The following PDE10A variants were observed in gnomAD, a reference collection of about 807,000 sequenced individuals.
The protein encoded by PDE10A is phosphodiesterase 10A.
Under a neutral mutation model 97.7 loss-of-function variants are expected in PDE10A, and 39 were observed. The ratio of observed to expected loss-of-function variants is 0.40; its 90% CI spans 0.31 to 0.52. The LOEUF is 0.52. PDE10A is among the 20% of genes least tolerant of loss of function. The pLI is 0.56. For missense variants in PDE10A, 731 were observed against 1,047.8 expected (o/e 0.70, Z 4.17); for synonymous variants, 371 against 376.8 (o/e 0.98, Z 0.18).
chr6:165,807,859 C>G (rs1279122675), intron 1 of PDE10A, among the ~76,000 whole-genome samples: 2 of 152,270 alleles, frequency 1.3e-5, no homozygotes, highest in Admixed American at 1.3e-4. Flanking sequence ...CGCCTTGTGC[C>G]TGTTTCCATA....
chr6:165,712,121 G>T (rs1244803791), intron 1 of PDE10A, among the ~76,000 whole-genome samples: 1 of 152,192 alleles, frequency 6.6e-6, no homozygotes, highest in East Asian at 1.9e-4. Flanking sequence ...GAGGGTTCTG[G>T]GCTCCACCGT....
chr6:165,597,278 C>T (rs1484132185), intron 1 of PDE10A, among the ~76,000 whole-genome samples: 3 of 150,630 alleles, frequency 2.0e-5, no homozygotes, highest in African/African-American at 7.4e-5. Context: ...CCCACACATA[C>T]AGACCATGGA....
chr6:165,491,755 G>A (rs1583397955), intron 2 of PDE10A, among the ~76,000 whole-genome samples: 1 of 152,132 alleles, frequency 6.6e-6, no homozygotes, highest in East Asian at 1.9e-4. Context: ...TACATCAAAA[G>A]TCTGAAAGAG....
intron 2 of PDE10A, among the ~76,000 whole-genome samples, chr6:165,539,571 C>A (rs1397270111): frequency 1.3e-4 from 20 of 152,118 alleles, no homozygotes; most frequent in Admixed American, 1.3e-3. Context: ...AGCACCTGAA[C>A]AGAACTTGAC....
rs1562406358 is a variant in PDE10A, at chr6:165,384,646, GTGTGTGTGTGTGTGTGTGTGTGTA to G, written c.2610+3628_2610+3651del. 1.2e-3 allele frequency among the ~76,000 whole-genome samples: 159 copies of G among 129,562 alleles called. 4 individuals are homozygous for G. The highest frequency in any genetic ancestry group is 2.0e-3 in the Non-Finnish European group (123 of 61,968). The allele number at this position is 129,562 out of a possible 152,430, so 85.0% of individuals were successfully genotyped here. On this transcript the variant is annotated intron_variant, in intron 17 of 21. Coordinates refer to ENST00000539869, the MANE Select transcript of PDE10A (RefSeq NM_001385079.1). ...TGTGTGAGTGAGTGTGTGTGTGTGT[GTGTGTGTGTGTGTGTGTGTGTGTA>G]TGGGGGGGGGCGACTAAAGGTTAGC...
intron 1 of PDE10A, among the ~76,000 whole-genome samples, chr6:165,564,371 C>A (rs1784673037): frequency 6.6e-6 from 1 of 152,194 alleles, no homozygotes; most frequent in South Asian, 2.1e-4. Context: ...AGAGGGAGAA[C>A]AAGGACTGAT....
intron 1 of PDE10A, among the ~76,000 whole-genome samples, chr6:165,598,054 A>G (rs1391037460): frequency 6.6e-6 from 1 of 152,224 alleles, no homozygotes; most frequent in East Asian, 1.9e-4. Context: ...CCACGAGTCA[A>G]GCCAACAAAC....
intron 1 of PDE10A, among the ~76,000 whole-genome samples, chr6:165,565,731 A>T (rs1784745799): frequency 6.6e-6 from 1 of 152,228 alleles, no homozygotes; most frequent in Non-Finnish European, 1.5e-5. Context: ...GAAATAATGG[A>T]TACGTGGATC....
chr6:165,422,474 T>C (rs781200266), intron 10 of PDE10A, among the ~76,000 whole-genome samples: 3 of 127,128 alleles, frequency 2.4e-5, no homozygotes, highest in African/African-American at 6.2e-5. Context: ...CATACACACA[T>C]ACGCATACAC....
chr6:165,690,512 G>A lies in PDE10A; in HGVS notation c.-614-146944C>T, dbSNP rs920597481. Among the ~76,000 whole-genome samples the A allele has an allele frequency of 3.9e-5, 6 of 152,088 alleles. No homozygotes were observed. The East Asian group carries it at 9.6e-4, about 24-fold the overall frequency. On this transcript the variant is annotated intron_variant, in intron 1 of 19. Coordinates refer to the PDE10A transcript ENST00000366882. The stretch of plus-strand genomic sequence containing the variant: ...CTGGCCTCTGGAAATGGCAACTCTG[G>A]TCATGCCCCTCCCTTGCTCAAAACC...
chr6:165,481,932 T>G (rs79826868), intron 3 of PDE10A, among the ~76,000 whole-genome samples: 1 of 152,202 alleles, frequency 6.6e-6, no homozygotes, highest in Non-Finnish European at 1.5e-5. Flanking sequence ...GAGAGCATCA[T>G]GCAGCTGAAG....
intron 1 of PDE10A, among the ~76,000 whole-genome samples, chr6:165,932,895 A>G (rs936196734): frequency 2.6e-5 from 4 of 152,326 alleles, no homozygotes; most frequent in Non-Finnish European, 5.9e-5. Flanking sequence ...ATTCCCCTCC[A>G]CAACCCCTCC....
chr6:165,627,749 G>A (rs556188973), intron 1 of PDE10A, among the ~76,000 whole-genome samples: 27 of 152,256 alleles, frequency 1.8e-4, no homozygotes, highest in African/African-American at 6.5e-4. Flanking sequence ...GTGTTAAATG[G>A]CATATCACTA....
chr6:165,803,875 G>C (rs1000223302), intron 1 of PDE10A, among the ~76,000 whole-genome samples: 3 of 152,110 alleles, frequency 2.0e-5, no homozygotes, highest in Non-Finnish European at 4.4e-5. Flanking sequence ...GGTGTAGGAG[G>C]GACAAGGTGT....
At chr6:165,797,707 A>G (rs1778866828) in intron 1 of PDE10A, among the ~76,000 whole-genome samples, 1 of 152,232 alleles carries the variant, frequency 6.6e-6, no homozygotes, top group African/African-American at 2.4e-5. Context: ...AATTTAGGAA[A>G]TGATGAAAGC....
intron 1 of PDE10A, among the ~76,000 whole-genome samples, chr6:165,824,778 C>T (rs1181726644): frequency 2.0e-5 from 3 of 151,904 alleles, no homozygotes; most frequent in African/African-American, 7.3e-5. Context: ...GAAAAAAAAG[C>T]ATTTTAATTT....
chr6:165,627,804 A>G (rs1332187605), intron 1 of PDE10A, among the ~76,000 whole-genome samples: 2 of 152,250 alleles, frequency 1.3e-5, no homozygotes, highest in Non-Finnish European at 2.9e-5. Flanking sequence ...AAAACTCTGC[A>G]ACAGGCAACT....
At chr6:165,901,548 A>G (rs991995501) in intron 1 of PDE10A, among the ~76,000 whole-genome samples, 1 of 152,136 alleles carries the variant, frequency 6.6e-6, no homozygotes, top group Non-Finnish European at 1.5e-5. Context: ...CATGCCTGTA[A>G]TCCCAGCACT....
chr6:165,898,082 G>A lies in PDE10A; in HGVS notation c.-615+89447C>T, dbSNP rs187314081. 1.7e-3 allele frequency among the ~76,000 whole-genome samples: 257 copies of A among 147,070 alleles called. 2 individuals are homozygous for A. The highest frequency in any genetic ancestry group is 8.2e-4 in the Non-Finnish European group (55 of 67,136). ...CCTCTGTCTCCCCCTCCTACCTTGC[G>A]CTGGGGAGGCTCTAGTCCCCCTCCA... is the stretch of plus-strand genomic sequence containing the variant. On this transcript the variant is annotated intron_variant, in intron 1 of 19. Transcript: ENST00000366882.
Sources: gnomAD v4.1 joint callset for allele counts (sites outside exome capture counted in the v4.1 genomes callset) on GRCh38, gnomAD v4.1.1 for gene constraint, MANE v1.5 for transcripts, NCBI Gene and HGNC (gene_info 2026-07-23, HGNC 2026-07-21) for gene names.